CCDC57: variants seen among roughly 807,000 people sequenced by gnomAD.
The protein encoded by CCDC57 is coiled-coil domain-containing protein 57.
CCDC57 carries 118 observed loss-of-function variants against 118.9 expected under a neutral mutation model. That is an observed-to-expected ratio of 0.99 (90% CI 0.86 to 1.16). The LOEUF (loss-of-function observed/expected upper bound fraction) is 1.16, where lower values mean the gene tolerates loss of function less well. Ranked by LOEUF, CCDC57 falls within the 50% of genes most tolerant of loss-of-function variation. The probability of loss-of-function intolerance (pLI) is 0.00; values close to 1 mark genes in which losing one functional copy is unlikely to be tolerated. For synonymous variants in CCDC57, 527 were observed against 532.9 expected (o/e 0.99, Z 0.15); for missense variants, 1,300 against 1,320.7 (o/e 0.98, Z 0.24).
chr17:82,185,610 C>A (rs1297130460), intron 8 of CCDC57, among the ~76,000 whole-genome samples: 2 of 151,318 alleles, frequency 1.3e-5, no homozygotes, highest in Admixed American at 6.6e-5. Flanking sequence ...CAGAGTGAGA[C>A]CTTGTCACAA....
intron 19 of CCDC57, among the ~76,000 whole-genome samples, chr17:82,123,803 G>A (rs999227504): frequency 6.6e-6 from 1 of 151,918 alleles, no homozygotes; most frequent in Non-Finnish European, 1.5e-5. Context: ...GTCCTACAAG[G>A]GAAAGACAAG....
intron 13 of CCDC57, among the ~76,000 whole-genome samples, chr17:82,169,118 CTTATT>C (rs2044352498): frequency 6.6e-6 from 1 of 152,010 alleles, no homozygotes; most frequent in South Asian, 2.1e-4. Flanking sequence ...TAAAACCTCC[CTTATT>C]TTATTTTACT....
chr17:82,134,770 G>A (rs2038919093), intron 16 of CCDC57, among the ~76,000 whole-genome samples: 1 of 147,350 alleles, frequency 6.8e-6, no homozygotes, highest in Non-Finnish European at 1.5e-5. Context: ...CTCCATCCTG[G>A]GTAACTCCAT....
chr17:82,117,317 A>T (rs578145681), intron 19 of CCDC57, among the ~76,000 whole-genome samples: 1 of 152,262 alleles, frequency 6.6e-6, no homozygotes, highest in South Asian at 2.1e-4. Context: ...GCACCACTGT[A>T]CTGGGCGACA....
intron 16 of CCDC57, among the ~76,000 whole-genome samples, chr17:82,136,320 A>G (rs1410844427): frequency 6.6e-6 from 1 of 152,188 alleles, no homozygotes; most frequent in East Asian, 1.9e-4. Flanking sequence ...GAGGGAAAGA[A>G]GCCAGGCACA....
At chr17:82,176,667 G>A (rs761746072) in intron 11 of CCDC57, among the ~76,000 whole-genome samples, 3 of 152,116 alleles carry the variant, frequency 2.0e-5, no homozygotes, top group Non-Finnish European at 4.4e-5. Context: ...CTTTGACTCT[G>A]CTGGACTTCG....
Position 82,176,035 on chromosome 17 carries a change from G to A in CCDC57, c.1506+2439C>T, listed in dbSNP as rs1051251600. ...CAATGTTGGCAGAAGAGCTGAGGCG[G>A]GGCTTGCTTGTCTGACATAATGTAA... On this transcript the variant is annotated intron_variant, in intron 11 of 19. Transcript: ENST00000665763. Among the ~76,000 whole-genome samples the A allele has an allele frequency of 3.3e-5, 5 of 152,312 alleles. No individual in the cohort carries two copies. The East Asian group carries it at 9.6e-4, about 29-fold the overall frequency.
At chr17:82,127,045 C>G in intron 19 of CCDC57, 1 of 985,436 alleles carries the variant, frequency 1.0e-6, no homozygotes, top group Non-Finnish European at 1.2e-6. Flanking sequence ...GCAGTCCTCA[C>G]AAGGTGCACC....
rs2050012024 is a variant in CCDC57, at chr17:82,209,334, G to A, written c.-210-1286C>T. Among the ~76,000 whole-genome samples the A allele has an allele frequency of 2.0e-5, 3 of 152,282 alleles. No homozygotes were observed. The South Asian group carries it at 6.2e-4, about 32-fold the overall frequency. Reference sequence around the variant, plus strand: ...TGAGTTTAGACTTTGCGGACTTTTAGAACCACGTATACATGTTTCATGTGC... The same window carrying A: ...TGAGTTTAGACTTTGCGGACTTTTAAAACCACGTATACATGTTTCATGTGC... On this transcript the variant is annotated intron_variant, in intron 1 of 19. Coordinates refer to ENST00000665763, the Ensembl canonical transcript of CCDC57.
chr17:82,193,060 T>C (rs2047867820), intron 7 of CCDC57, among the ~76,000 whole-genome samples: 1 of 152,088 alleles, frequency 6.6e-6, no homozygotes. Context: ...TTTTGTGTTT[T>C]GTTTTGTTTT....
chr17:82,183,252 T>G (rs528305828), intron 9 of CCDC57, among the ~76,000 whole-genome samples: 1 of 152,182 alleles, frequency 6.6e-6, no homozygotes, highest in Non-Finnish European at 1.5e-5. Flanking sequence ...GTATGGGAAA[T>G]AGAATGCTAT....
At chr17:82,169,949 C>T (rs8066284) in intron 13 of CCDC57, among the ~76,000 whole-genome samples, 70,829 of 151,838 alleles carry the variant, frequency 0.47, 17,316 homozygotes, top group East Asian at 0.88. Flanking sequence ...ATATAACCAA[C>T]GCTAGGCTCA....
chr17:82,136,314 G>A (rs1484763753), intron 16 of CCDC57, among the ~76,000 whole-genome samples: 1 of 152,184 alleles, frequency 6.6e-6, no homozygotes, highest in Non-Finnish European at 1.5e-5. Flanking sequence ...GACACAGAGG[G>A]AAAGAAGCCA....
At chr17:82,140,378 G>A (rs1199445994) in intron 16 of CCDC57, among the ~76,000 whole-genome samples, 1 of 151,914 alleles carries the variant, frequency 6.6e-6, no homozygotes, top group Non-Finnish European at 1.5e-5. Context: ...GAGCCACCAC[G>A]CCTGACCAAT....
Position 82,134,189 on chromosome 17 carries a change from GC to G in CCDC57, c.2460del (p.Trp820CysfsTer83), listed in dbSNP as rs1157229755. 1 of 1,320,374 alleles carries G rather than the reference GC, an allele frequency of 7.6e-7. No homozygotes were observed. The highest frequency in any genetic ancestry group is 9.7e-7 in the Non-Finnish European group (1 of 1,028,592). The allele number at this position is 1,320,374 out of a possible 1,614,324, so 81.8% of individuals were successfully genotyped here. A position where few individuals can be genotyped will look rare whatever the true frequency, so the allele number is the denominator to read the frequency against. ...GCAGGAGGGAGGGCGTGGTGCAACAGCCACCCTGGGAATGGGATGGGGACAG... is the reference window on the plus strand; with the variant it reads ...GCAGGAGGGAGGGCGTGGTGCAACAGCACCCTGGGAATGGGATGGGGACAG... On this transcript the variant is annotated frameshift_variant, in exon 17 of 20. Transcript: ENST00000665763. LOFTEE classifies it high-confidence loss of function.
chr17:82,146,320 T>C lies in CCDC57; in HGVS notation c.2455+5240A>G, dbSNP rs557225110. Reference sequence around the variant, plus strand: ...AGTGATCTTAGGAAAAAAATGCAGATAGACCAGTCAGTCTTGCCTAAACCT... The same window carrying C: ...AGTGATCTTAGGAAAAAAATGCAGACAGACCAGTCAGTCTTGCCTAAACCT... On this transcript the variant is annotated intron_variant, in intron 16 of 19. Transcript: ENST00000665763. Among the ~76,000 whole-genome samples, 8 of 152,326 alleles carry C rather than the reference T, an allele frequency of 5.3e-5. No homozygotes were observed. In the South Asian group the frequency reaches 1.2e-3, roughly 24 times the overall value.
At chr17:82,151,349 C>G (rs1278161469) in intron 16 of CCDC57, among the ~76,000 whole-genome samples, 1 of 150,610 alleles carries the variant, frequency 6.6e-6, no homozygotes, top group Non-Finnish European at 1.5e-5. Flanking sequence ...AGGTGCACAC[C>G]CAGAACCTGG....
intron 8 of CCDC57, among the ~76,000 whole-genome samples, chr17:82,186,160 C>T (rs2046897763): frequency 6.6e-6 from 1 of 151,848 alleles, no homozygotes; most frequent in Non-Finnish European, 1.5e-5. Context: ...TCATGGGATC[C>T]GAATGATAGC....
chr17:82,162,065 T>C (rs1599043952), intron 14 of CCDC57, among the ~76,000 whole-genome samples: 1 of 152,160 alleles, frequency 6.6e-6, no homozygotes, highest in East Asian at 1.9e-4. Flanking sequence ...AATGGCACAA[T>C]CTCGGCTCAC....
Sources: allele counts gnomAD v4.1 joint callset (sites outside exome capture counted in the v4.1 genomes callset), GRCh38; gene constraint gnomAD v4.1.1; transcripts MANE v1.5; gene names NCBI Gene and HGNC (gene_info 2026-07-23, HGNC 2026-07-21).